CLEC3B: variants seen among roughly 807,000 people sequenced by gnomAD.
The protein encoded by CLEC3B is tetranectin.
A neutral mutation model predicts 15.4 loss-of-function variants in CLEC3B; 13 were observed. The observed-to-expected ratio is 0.84, with a 90% CI of 0.55 to 1.34. The LOEUF (loss-of-function observed/expected upper bound fraction) is 1.34, where lower values mean the gene tolerates loss of function less well. Ranked by LOEUF, CLEC3B falls within the 40% of genes most tolerant of loss-of-function variation. The probability of loss-of-function intolerance (pLI) is 0.00; values close to 1 mark genes in which losing one functional copy is unlikely to be tolerated. For synonymous variants in CLEC3B, 112 were observed against 114.7 expected (o/e 0.98, Z 0.15); for missense variants, 242 against 268.6 (o/e 0.90, Z 0.69).
Position 45,029,691 on chromosome 3 carries a change from A to G in CLEC3B, c.110-1136A>G, listed in dbSNP as rs370901842. ...TGCAGACACAGCCAAATGGACCATT[A>G]AAGTGTTTCCCCACCCACTTCCCCA... On this transcript the variant is annotated intron_variant, in intron 1 of 2. Coordinates refer to ENST00000296130, the MANE Select transcript of CLEC3B (RefSeq NM_003278.3). 1.7e-4 allele frequency among the ~76,000 whole-genome samples: 26 copies of G among 152,274 alleles called. No homozygotes were observed. The East Asian group carries it at 4.0e-3, about 24-fold the overall frequency.
rs748847581 is a variant in CLEC3B, at chr3:45,035,615, G to T, written c.300G>T (p.Ser100=). ...TFHEASEDCI[S]RGGTLGTPQT... is the part of the protein sequence containing the mutation. ...ACGAGGCCAGCGAGGACTGCATCTC[G>T]CGCGGGGGCACCCTGGGCACCCCTC... Residue 100 remains serine, a synonymous_variant, in exon 3 of 3, where the codon TCG becomes TCT. Transcript: ENST00000296130. The T allele has an allele frequency of 8.7e-6, 14 of 1,614,004 alleles. No homozygotes were observed. Among genetic ancestry groups the T allele is most frequent in the African/African-American group, 1.3e-5 (1 of 74,928 alleles).
intron 1 of CLEC3B, among the ~76,000 whole-genome samples, chr3:45,028,182 A>C (rs1697509210): frequency 1.3e-5 from 2 of 152,192 alleles, no homozygotes; most frequent in South Asian, 4.1e-4. Context: ...CACAGCAGAG[A>C]AACACCGTCT....
intron 2 of CLEC3B, chr3:45,034,691 C>T (rs1576046669): frequency 1.3e-5 from 2 of 152,264 alleles, no homozygotes; most frequent in South Asian, 4.1e-4. Flanking sequence ...TCATCACAAC[C>T]TTTGGGGCCA....
At position 45,035,883 on chromosome 3, in the gene CLEC3B, C is replaced by G. The variant is rs780598610; in HGVS notation, c.568C>G (p.Arg190Gly). 40 of 1,609,788 alleles carry G rather than the reference C, an allele frequency of 2.5e-5. No individual in the cohort carries two copies. In the South Asian group the frequency reaches 2.6e-4, roughly 11 times the overall value. Residue 190 changes from arginine (R) to glycine (G), a missense_variant, in exon 3 of 3, where the codon CGC becomes GGC. Transcript: ENST00000296130. The stretch of plus-strand genomic sequence containing the variant: ...CGGCAAGTGGTTCGACAAGCGCTGC[C>G]GCGATCAGCTGCCCTACATCTGCCA... ...ANGKWFDKRC[R>G]DQLPYICQFG...
chr3:45,030,626 C>T (rs1697540127), intron 1 of CLEC3B, among the ~76,000 whole-genome samples: 1 of 152,224 alleles, frequency 6.6e-6, no homozygotes, highest in African/African-American at 2.4e-5. Flanking sequence ...ACAAATGCAG[C>T]ACAGGAGCAA....
chr3:45,030,913 G>A lies in CLEC3B; in HGVS notation c.196G>A (p.Ala66Thr), dbSNP rs1697545064. The change falls in exon 2 of 3, where the codon GCC becomes ACC. Residue 66 changes from alanine (A) to threonine (T), a missense_variant. Ala to Thr is a moderately conservative substitution (Grantham distance 58). Coordinates refer to ENST00000296130, the MANE Select transcript of CLEC3B (RefSeq NM_003278.3). ...QEVALLKEQQ[A>T]LQTVCLKGTK... ...GGTGGCCCTGCTGAAGGAGCAGCAGGCCCTGCAGACGGGTGAGTGCAGGCA... is the reference window on the plus strand; with the variant it reads ...GGTGGCCCTGCTGAAGGAGCAGCAGACCCTGCAGACGGGTGAGTGCAGGCA... 3.2e-6 allele frequency: 5 copies of A among 1,577,212 alleles called. No homozygotes were observed. Among genetic ancestry groups the A allele is most frequent in the Non-Finnish European group, 4.3e-6 (5 of 1,161,268 alleles).
intron 1 of CLEC3B, chr3:45,030,060 G>A: frequency 1.7e-6 from 1 of 588,126 alleles, no homozygotes; most frequent in Non-Finnish European, 2.1e-6. Flanking sequence ...TGAAATGCTG[G>A]TGGTACAGAA....
chr3:45,034,206 G>A (rs549071503), intron 2 of CLEC3B, among the ~76,000 whole-genome samples: 1 of 152,316 alleles, frequency 6.6e-6, no homozygotes, highest in African/African-American at 2.4e-5. Context: ...AAAAGTCTAG[G>A]TAGCACGTCA....
chr3:45,030,863 G>A lies in CLEC3B; in HGVS notation c.146G>A (p.Ser49Asn). ...ACAAAGATGTTTGAGGAGCTCAAGA[G>A]CCGTCTGGACACCCTGGCCCAGGAG... ...VNTKMFEELK[S>N]RLDTLAQEVA... The change falls in exon 2 of 3, where the codon AGC becomes AAC. Residue 49 changes from serine to asparagine, a missense_variant. Coordinates refer to ENST00000296130, the MANE Select transcript of CLEC3B (RefSeq NM_003278.3). The A allele has an allele frequency of 6.3e-7, 1 of 1,596,626 alleles. No individual in the cohort carries two copies. The highest frequency in any genetic ancestry group is 2.3e-5 in the East Asian group (1 of 44,122).
rs977617387 is a variant in CLEC3B at position 45,032,594 on chromosome 3, C to T, written c.208+1669C>T. 3.3e-5 allele frequency among the ~76,000 whole-genome samples: 5 copies of T among 152,344 alleles called. No homozygotes were observed. The South Asian group carries it at 1.0e-3, about 32-fold the overall frequency. On this transcript the variant is annotated intron_variant, in intron 2 of 2. Coordinates refer to ENST00000296130, the MANE Select transcript of CLEC3B (RefSeq NM_003278.3). ...TGTTTGCTTTTCATTGCCCTTGTCT[C>T]TTCCACTACCCTGCCCAGCATAGTG...
chr3:45,036,004 C>A lies in CLEC3B; in HGVS notation c.*80C>A. On this transcript the variant is annotated 3_prime_UTR_variant, in exon 3 of 3. Transcript: ENST00000296130. ...CGGGAGGAGGGTGGGGACCTTGCAG[C>A]CCCCATCCTCTCCGTGCGCTTGGAG... 17 of 1,383,074 alleles carry A rather than the reference C, an allele frequency of 1.2e-5. No individual in the cohort carries two copies. The highest frequency in any genetic ancestry group is 1.6e-5 in the Non-Finnish European group (17 of 1,044,822). The allele number at this position is 1,383,074 out of a possible 1,614,324, so 85.7% of individuals were successfully genotyped here.
chr3:45,035,915 G>A lies in CLEC3B; in HGVS notation c.600G>A (p.Gly200=). ...RDQLPYICQF[G]IV ...AGCTGCCCTACATCTGCCAGTTCGG[G>A]ATCGTGTAGCCGGCGGGGCGGGGGC... The change falls in exon 3 of 3, where the codon GGG becomes GGA. Residue 200 remains glycine, a synonymous_variant. Coordinates refer to ENST00000296130, the MANE Select transcript of CLEC3B (RefSeq NM_003278.3). The A allele has an allele frequency of 6.3e-7, 1 of 1,588,714 alleles. No individual in the cohort carries two copies. Among genetic ancestry groups the A allele is most frequent in the South Asian group, 1.1e-5 (1 of 90,530 alleles).
chr3:45,030,050 T>G, intron 1 of CLEC3B: 5 of 546,422 alleles, frequency 9.2e-6, no homozygotes, highest in Non-Finnish European at 1.2e-5. Context: ...TTCCTCATGG[T>G]GAAATGCTGG....
At chr3:45,029,918 T>C (rs1219784470) in intron 1 of CLEC3B, among the ~76,000 whole-genome samples, 1 of 152,204 alleles carries the variant, frequency 6.6e-6, no homozygotes, top group East Asian at 1.9e-4. Context: ...GGAATCCGTT[T>C]GTGTGCCATG....
At chr3:45,027,152 A>T (rs1252389694) in intron 1 of CLEC3B, among the ~76,000 whole-genome samples, 2 of 152,204 alleles carry the variant, frequency 1.3e-5, no homozygotes, top group East Asian at 3.9e-4. Flanking sequence ...TGTTGAGACA[A>T]CATCAGTGGA....
At chr3:45,030,772 A>T in intron 1 of CLEC3B, 55 bp from the exon 2 acceptor site, 1 of 1,225,060 alleles carries the variant, frequency 8.2e-7, no homozygotes, top group South Asian at 1.3e-5. Context: ...CAGCTAAGGT[A>T]GGATCCTTCC....
Position 45,035,811 on chromosome 3 carries a change from G to A in CLEC3B, c.496G>A (p.Asp166Asn), listed in dbSNP as rs1697635326. The change falls in exon 3 of 3, where the codon GAT becomes AAT. Residue 166 changes from aspartate (D) to asparagine (N), a missense_variant. Coordinates refer to ENST00000296130, the MANE Select transcript of CLEC3B (RefSeq NM_003278.3). ...GGAGACTGAGATCACCGCGCAACCC[G>A]ATGGCGGCAAGACCGAGAACTGCGC... The part of the protein sequence containing the change: ...NWETEITAQP[D>N]GGKTENCAVL... 8.7e-6 allele frequency: 14 copies of A among 1,613,334 alleles called. No homozygotes were observed. The highest frequency in any genetic ancestry group is 1.1e-5 in the Non-Finnish European group (13 of 1,179,980).
chr3:45,030,866 G>T lies in CLEC3B; in HGVS notation c.149G>T (p.Arg50Leu), dbSNP rs372482326. ...AAGATGTTTGAGGAGCTCAAGAGCCGTCTGGACACCCTGGCCCAGGAGGTG... is the reference window on the plus strand; with the variant it reads ...AAGATGTTTGAGGAGCTCAAGAGCCTTCTGGACACCCTGGCCCAGGAGGTG... ...NTKMFEELKS[R>L]LDTLAQEVAL... Residue 50 changes from arginine (R) to leucine (L), a missense_variant, in exon 2 of 3, where the codon CGT (arginine) becomes CTT (leucine). Arg to Leu is a moderately radical substitution (Grantham distance 102). Transcript: ENST00000296130. 1.1e-4 allele frequency: 174 copies of T among 1,596,522 alleles called. No homozygotes were observed. Among genetic ancestry groups the T allele is most frequent in the Non-Finnish European group, 1.4e-4 (166 of 1,171,514 alleles).
At chr3:45,035,402 G>T (rs1697623800) in intron 2 of CLEC3B, 122 bp from the exon 3 acceptor site, 4 of 1,340,758 alleles carry the variant, frequency 3.0e-6, no homozygotes, top group Non-Finnish European at 4.0e-6. Flanking sequence ...GGTCTAAGGG[G>T]CTGTCAGGAC....
Sources: gnomAD v4.1 joint callset for allele counts (sites outside exome capture counted in the v4.1 genomes callset) on GRCh38, gnomAD v4.1.1 for gene constraint, MANE v1.5 for transcripts, NCBI Gene and HGNC (gene_info 2026-07-23, HGNC 2026-07-21) for gene names.